Variants in HIVEP3 observed in about 807,000 individuals in gnomAD.
HIVEP3 encodes the protein transcription factor HIVEP3.
In HIVEP3, 49 loss-of-function variants were observed where a neutral mutation model predicts 152.8. The observed-to-expected ratio is 0.32, with a 90% CI of 0.26 to 0.41. HIVEP3 has a LOEUF of 0.41. Among genes scored for constraint, HIVEP3 ranks in the 10% least tolerant of loss-of-function variants. The probability of loss-of-function intolerance (pLI) is 1.00; values close to 1 mark genes in which losing one functional copy is unlikely to be tolerated. For synonymous variants in HIVEP3, 1,269 were observed against 1,289.0 expected (o/e 0.98, Z 0.33); for missense variants, 2,790 against 3,103.3 (o/e 0.90, Z 2.40).
At chr1:41,933,644 T>G (rs1645005828) in intron 1 of HIVEP3, among the ~76,000 whole-genome samples, 1 of 152,172 alleles carries the variant, frequency 6.6e-6, no homozygotes, top group African/African-American at 2.4e-5. Context: ...AACTGGTATG[T>G]TTAGACCATT....
intron 3 of HIVEP3, among the ~76,000 whole-genome samples, chr1:41,593,692 A>G (rs1295527863): frequency 6.6e-6 from 1 of 152,254 alleles, no homozygotes; most frequent in Non-Finnish European, 1.5e-5. Context: ...CTTTAACATT[A>G]GCTAATAAGA....
At chr1:41,657,539 A>C (rs985399126) in intron 2 of HIVEP3, among the ~76,000 whole-genome samples, 2 of 152,232 alleles carry the variant, frequency 1.3e-5, no homozygotes, top group Admixed American at 6.5e-5. Flanking sequence ...CTTTGGGAGC[A>C]GCTGATTCAT....
In HIVEP3 at chr1:41,581,038, C is replaced by G. The variant is rs748430429; in HGVS notation, c.3760G>C (p.Val1254Leu). Residue 1254 changes from valine (V) to leucine (L), a missense_variant, in exon 4 of 9, where the codon GTG becomes CTG. Transcript: ENST00000372583. This position sits in a 1 kb window ranked among gnomAD's most constrained non-coding sequence, Gnocchi z 4.5. ...SQFALQLPGD[V>L]ESHLPQIKTS... is the part of the protein sequence containing the mutation. ...TTGATCTGGGGCAGATGGCTTTCCA[C>G]ATCACCAGGGAGCTGAAGTGCAAAC... 2 of 1,559,184 alleles carry G rather than the reference C, an allele frequency of 1.3e-6. No homozygotes were observed. The highest frequency in any genetic ancestry group is 1.7e-6 in the Non-Finnish European group (2 of 1,152,376).
chr1:41,937,619 T>G (rs1355698657), intron 1 of HIVEP3, among the ~76,000 whole-genome samples: 3 of 152,226 alleles, frequency 2.0e-5, no homozygotes, highest in Non-Finnish European at 2.9e-5. Context: ...TAATTTTTAT[T>G]TTGATTACAT....
At chr1:41,635,489 TACACAC>T (rs56335707) in intron 2 of HIVEP3, among the ~76,000 whole-genome samples, 23 of 147,296 alleles carry the variant, frequency 1.6e-4, no homozygotes, top group East Asian at 3.9e-4. Flanking sequence ...TATATATATA[TACACAC>T]ACATATATAC....
intron 1 of HIVEP3, among the ~76,000 whole-genome samples, chr1:42,023,156 G>A (rs1265390876): frequency 2.0e-5 from 3 of 152,042 alleles, no homozygotes; most frequent in Non-Finnish European, 4.4e-5. Flanking sequence ...ACAGGCATGT[G>A]GCACCACACC....
In HIVEP3 at chr1:41,576,970, C is replaced by A. The variant is rs146101683; in HGVS notation, c.5062-1281G>T. Among the ~76,000 whole-genome samples the A allele has an allele frequency of 4.2e-3, 645 of 152,290 alleles. 3 individuals carry two copies. Among genetic ancestry groups the A allele is most frequent in the African/African-American group, 7.6e-3 (315 of 41,546 alleles). On this transcript the variant is annotated intron_variant, in intron 4 of 8. Coordinates refer to ENST00000372583, the MANE Select transcript of HIVEP3 (RefSeq NM_024503.5). ...AGAAGGCAGCTAGTTTTCTGCAATA[C>A]CCTTGGGTTTCCAGAGCCTACCATT...
chr1:41,556,275 A>G (rs908866210), intron 5 of HIVEP3, among the ~76,000 whole-genome samples: 1 of 152,210 alleles, frequency 6.6e-6, no homozygotes, highest in Non-Finnish European at 1.5e-5. Context: ...ATTTCTCCAC[A>G]TCCTTCTCAA....
chr1:41,697,086 G>A (rs1646288088), intron 2 of HIVEP3, among the ~76,000 whole-genome samples: 2 of 152,220 alleles, frequency 1.3e-5, no homozygotes, highest in Admixed American at 1.3e-4. Context: ...GAACAAAGCA[G>A]GAAGCAGAGA....
intron 1 of HIVEP3, among the ~76,000 whole-genome samples, chr1:41,892,954 TA>T (rs111589403): frequency 4.5e-4 from 65 of 144,732 alleles, no homozygotes; most frequent in Admixed American, 5.5e-4. Context: ...ACCCTATCTC[TA>T]AAAAAAAAAA....
chr1:41,908,924 A>T (rs1477865084), intron 1 of HIVEP3, among the ~76,000 whole-genome samples: 3 of 152,236 alleles, frequency 2.0e-5, no homozygotes, highest in Non-Finnish European at 4.4e-5. Context: ...ACATGGATCC[A>T]GGAACTCCAA....
At chr1:41,919,741 A>T (rs1644924816), upstream of HIVEP3, among the ~76,000 whole-genome samples, 1 of 152,246 alleles carries the variant, frequency 6.6e-6, no homozygotes, top group African/African-American at 2.4e-5. Context: ...GAAAAAAATT[A>T]TTCTTCGAGT....
chr1:41,952,072 T>C (rs1337576248), intron 1 of HIVEP3, among the ~76,000 whole-genome samples: 1 of 152,232 alleles, frequency 6.6e-6, no homozygotes, highest in Non-Finnish European at 1.5e-5. Context: ...TCACTTGCCC[T>C]TCCATAAAGC....
rs1384721243 is a variant in HIVEP3 at position 41,629,465 on chromosome 1, A to T, written c.-720-518T>A. ...AAAGAGCGTCTGCACAGCAAAAGAA[A>T]CTATCAATAGAGTAAATAGACAACC... is the stretch of plus-strand genomic sequence containing the variant. On this transcript the variant is annotated intron_variant, in intron 2 of 8. Coordinates refer to ENST00000372583, the MANE Select transcript of HIVEP3 (RefSeq NM_024503.5). 2.0e-5 allele frequency among the ~76,000 whole-genome samples: 3 copies of T among 152,244 alleles called. No individual in the cohort carries two copies. In the East Asian group the frequency reaches 5.8e-4, roughly 29 times the overall value.
At chr1:41,888,453 G>C (rs1450068630) in intron 1 of HIVEP3, among the ~76,000 whole-genome samples, 2 of 151,816 alleles carry the variant, frequency 1.3e-5, no homozygotes, top group African/African-American at 4.8e-5. Context: ...GAGGAGAGAG[G>C]AGAAGGAGGA....
chr1:41,979,238 C>A (rs1645281283), intron 1 of HIVEP3, among the ~76,000 whole-genome samples: 1 of 152,238 alleles, frequency 6.6e-6, no homozygotes, highest in South Asian at 2.1e-4. Flanking sequence ...CTGGCATTCA[C>A]CCTGACCCAC....
chr1:41,786,311 G>C (rs1649343945), intron 1 of HIVEP3, among the ~76,000 whole-genome samples: 1 of 152,222 alleles, frequency 6.6e-6, no homozygotes, highest in African/African-American at 2.4e-5. Context: ...GCACTCAGTA[G>C]AGATGAGTTT....
At chr1:41,544,844 TACCACCACCACCACCACCACCACCACC>T (rs1309800542) in intron 5 of HIVEP3, among the ~76,000 whole-genome samples, 1 of 11,814 alleles carries the variant, frequency 8.5e-5, no homozygotes, top group East Asian at 3.3e-3. Context: ...CCACCACCAC[TACCACCACCACCACCACCACCACCACC>T]ACCACTACCA....
chr1:42,029,897 T>C lies in HIVEP3; in HGVS notation n.119+5910A>G, dbSNP rs181090543. 7.2e-5 allele frequency among the ~76,000 whole-genome samples: 11 copies of C among 152,286 alleles called. No homozygotes were observed. In the East Asian group the frequency reaches 1.7e-3, roughly 24 times the overall value. The stretch of plus-strand genomic sequence containing the variant: ...AATCCTGTAGTTCCGGGAGACACAA[T>C]TGGGAAAAGAAAGCCCTGTTTCCAA... On this transcript the variant is annotated intron_variant and non_coding_transcript_variant, in intron 1 of 3. Coordinates refer to the HIVEP3 transcript ENST00000489103.
Sources: gnomAD v4.1 joint callset for allele counts (sites outside exome capture counted in the v4.1 genomes callset) on GRCh38, gnomAD v4.1.1 for gene constraint, Gnocchi (gnomAD v3.1) non-coding constraint, MANE v1.5 for transcripts, NCBI Gene and HGNC (gene_info 2026-07-23, HGNC 2026-07-21) for gene names.